ADD3: variants seen among roughly 807,000 people sequenced by gnomAD.
The protein encoded by ADD3 is adducin 3, also known as gamma-adducin.
Under a neutral mutation model 80.2 loss-of-function variants are expected in ADD3, and 25 were observed. That is an observed-to-expected ratio of 0.31 (90% CI 0.23 to 0.44). ADD3 has a LOEUF of 0.44. Ranked by LOEUF, ADD3 falls within the 20% of genes least tolerant of loss-of-function variation. The pLI is 1.00. For missense variants in ADD3, 829 were observed against 847.5 expected (o/e 0.98, Z 0.27); for synonymous variants, 284 against 289.6 (o/e 0.98, Z 0.20).
At chr10:110,066,118 C>T (rs553627796) in intron 1 of ADD3, among the ~76,000 whole-genome samples, 1 of 152,112 alleles carries the variant, frequency 6.6e-6, no homozygotes, top group Non-Finnish European at 1.5e-5. Context: ...TTGGGGTTTT[C>T]TGGACCATGC....
In ADD3 at chr10:110,065,944, T is replaced by C. The variant is rs922232634; in HGVS notation, c.-29-34681T>C. On this transcript the variant is annotated intron_variant, in intron 1 of 14. Coordinates refer to ENST00000356080, the MANE Select transcript of ADD3 (RefSeq NM_016824.5). ...TTAGTTTACTCTCTTGGGTCTCATG[T>C]ACTGTTACTCCATTAAGTTTTTTCA... Among the ~76,000 whole-genome samples the C allele has an allele frequency of 1.1e-4, 17 of 152,164 alleles. No individual in the cohort carries two copies. Among genetic ancestry groups the C allele is most frequent in the Non-Finnish European group, 2.1e-4 (14 of 68,028 alleles).
chr10:110,077,541 T>C (rs150260333), intron 1 of ADD3, among the ~76,000 whole-genome samples: 56 of 152,270 alleles, frequency 3.7e-4, no homozygotes, highest in African/African-American at 1.3e-3. Context: ...GTTCATTGAA[T>C]TAAAAAAAAG....
intron 1 of ADD3, among the ~76,000 whole-genome samples, chr10:110,031,218 A>C (rs1854980977): frequency 6.6e-6 from 1 of 152,226 alleles, no homozygotes; most frequent in African/African-American, 2.4e-5. Context: ...GGTTGCAGTG[A>C]GCTGAGATTG....
intron 1 of ADD3, among the ~76,000 whole-genome samples, chr10:110,077,438 G>A (rs1331124504): frequency 3.3e-5 from 5 of 152,076 alleles, no homozygotes; most frequent in African/African-American, 1.2e-4. Flanking sequence ...TTGAAGCAGT[G>A]TTTTGTACTG....
upstream of ADD3, among the ~76,000 whole-genome samples, chr10:110,005,535 T>G (rs940833634): frequency 1.3e-5 from 2 of 152,252 alleles, no homozygotes; most frequent in African/African-American, 4.8e-5. Flanking sequence ...TATTAAATAC[T>G]AAATAGCTTT....
intron 1 of ADD3, among the ~76,000 whole-genome samples, chr10:110,014,246 A>G (rs1017009091): frequency 3.3e-5 from 5 of 152,186 alleles, no homozygotes; most frequent in African/African-American, 1.2e-4. Context: ...TTCTGTTCTC[A>G]TTTGTCTTAA....
At position 110,118,817 on chromosome 10, in the gene ADD3, A is replaced by C. The variant is rs12246445; in HGVS notation, c.717+81A>C. 9.0e-4 allele frequency: 1,243 copies of C among 1,374,624 alleles called. 15 individuals are homozygous for C. The African/African-American group carries it at 0.016, about 18-fold the overall frequency. The allele number at this position is 1,374,624 out of a possible 1,614,324, so 85.2% of individuals were successfully genotyped here. ...GGCTTTCTCAACAGGATGCTTTACT[A>C]TCTGCTTTTCAAAATCATATTTGAT... On this transcript the variant is annotated intron_variant, in intron 6 of 14. Coordinates refer to ENST00000356080, the MANE Select transcript of ADD3 (RefSeq NM_016824.5).
chr10:110,118,081 A>G (rs1465465987), intron 5 of ADD3, among the ~76,000 whole-genome samples: 1 of 148,334 alleles, frequency 6.7e-6, no homozygotes, highest in Non-Finnish European at 1.5e-5. Flanking sequence ...CACAATGTTC[A>G]TAGCTAGATT....
chr10:110,107,188 TCA>T (rs1849487669), intron 2 of ADD3, among the ~76,000 whole-genome samples: 1 of 152,040 alleles, frequency 6.6e-6, no homozygotes, highest in Admixed American at 6.6e-5. Context: ...AGTTAAACAA[TCA>T]CAGTCATACA....
chr10:110,032,617 AAG>A (rs1855179062), intron 1 of ADD3, among the ~76,000 whole-genome samples: 2 of 152,224 alleles, frequency 1.3e-5, no homozygotes, highest in African/African-American at 4.8e-5. Flanking sequence ...GTATGCTAGA[AAG>A]AGAATTTCTG....
chr10:110,088,808 T>TC (rs2133844673), intron 1 of ADD3, among the ~76,000 whole-genome samples: 1 of 152,354 alleles, frequency 6.6e-6, no homozygotes, highest in South Asian at 2.1e-4. Flanking sequence ...CTCATTTTTT[T>TC]GTGCCTTTCC....
intron 1 of ADD3, among the ~76,000 whole-genome samples, chr10:110,013,642 A>G (rs2132988262): frequency 6.6e-6 from 1 of 152,366 alleles, no homozygotes; most frequent in Non-Finnish European, 1.5e-5. Context: ...TAAGCAGGAT[A>G]ACCTAACTCC....
intron 1 of ADD3, chr10:110,076,858 C>T (rs1845430071): frequency 6.6e-6 from 1 of 152,172 alleles, no homozygotes; most frequent in African/African-American, 2.4e-5. Flanking sequence ...CATGAACTCT[C>T]CCCCACTTTT....
chr10:110,122,140 G>A lies in ADD3; in HGVS notation c.991G>A (p.Asp331Asn). Reference protein sequence around the residue: ...VQALAGAGGVDNLHVLDFQKY... With the variant: ...VQALAGAGGVNNLHVLDFQKY... Reference sequence around the variant, plus strand: ...GGCCCTAGCAGGTGCAGGTGGAGTAGACAATCTCCATGTACTGGACTTTCA... The same window carrying A: ...GGCCCTAGCAGGTGCAGGTGGAGTAAACAATCTCCATGTACTGGACTTTCA... The change falls in exon 9 of 15, where the codon GAC (aspartate) becomes AAC (asparagine). Residue 331 changes from aspartate to asparagine, a missense_variant. By Grantham distance (23) the Asp-to-Asn change is conservative. Coordinates refer to ENST00000356080, the MANE Select transcript of ADD3 (RefSeq NM_016824.5). 6.2e-7 allele frequency: 1 copy of A among 1,614,028 alleles called. No individual in the cohort carries two copies. The highest frequency in any genetic ancestry group is 1.1e-5 in the South Asian group (1 of 91,052).
intron 10 of ADD3, among the ~76,000 whole-genome samples, chr10:110,125,131 G>T (rs1851985163): frequency 6.6e-6 from 1 of 152,140 alleles, no homozygotes; most frequent in Non-Finnish European, 1.5e-5. Flanking sequence ...TAGTCTATAA[G>T]ATTTCTTGCC....
intron 2 of ADD3, among the ~76,000 whole-genome samples, chr10:110,103,586 A>G (rs1849081018): frequency 6.6e-6 from 1 of 152,144 alleles, no homozygotes; most frequent in African/African-American, 2.4e-5. Context: ...GACATCACAC[A>G]CTGTCACTTC....
chr10:110,004,310 G>A (rs937752675), upstream of ADD3, among the ~76,000 whole-genome samples: 7 of 150,800 alleles, frequency 4.6e-5, no homozygotes, highest in East Asian at 1.0e-3. Context: ...CGAGACAGGC[G>A]GATCACAAGG....
At chr10:110,054,637 G>T (rs1396907979) in intron 1 of ADD3, among the ~76,000 whole-genome samples, 2 of 147,522 alleles carry the variant, frequency 1.4e-5, no homozygotes, top group Admixed American at 1.3e-4. Flanking sequence ...TTTTTAGACG[G>T]AGTCTCGCTC....
intron 1 of ADD3, among the ~76,000 whole-genome samples, chr10:110,093,573 C>G (rs998815253): frequency 3.3e-5 from 5 of 152,168 alleles, no homozygotes; most frequent in African/African-American, 1.2e-4. Context: ...ATATACTGAT[C>G]AATAGCCAAC....
Sources: allele counts gnomAD v4.1 joint callset (sites outside exome capture counted in the v4.1 genomes callset), GRCh38; gene constraint gnomAD v4.1.1; transcripts MANE v1.5; gene names NCBI Gene and HGNC (gene_info 2026-07-23, HGNC 2026-07-21).